Variants in DOCK9 observed in about 807,000 individuals in gnomAD.
DOCK9 encodes the protein dedicator of cytokinesis protein 9.
Under a neutral mutation model 263.3 loss-of-function variants are expected in DOCK9, and 89 were observed. The observed-to-expected ratio is 0.34, with a 90% confidence interval of 0.28 to 0.40. The LOEUF is 0.40. Ranked by LOEUF, DOCK9 falls within the 10% of genes least tolerant of loss-of-function variation. DOCK9 has a pLI of 1.00. For missense variants in DOCK9, 2,140 were observed against 2,603.4 expected (o/e 0.82, Z 3.87); for synonymous variants, 976 against 973.1 (o/e 1.00, Z -0.06).
intron 27 of DOCK9, among the ~76,000 whole-genome samples, chr13:98,877,780 G>A (rs1194234864): frequency 2.0e-5 from 3 of 152,162 alleles, no homozygotes; most frequent in Non-Finnish European, 4.4e-5. Flanking sequence ...GTGATGCATT[G>A]AACTTTGTAA....
chr13:98,891,684 A>ATTC (rs2046638513), intron 15 of DOCK9, among the ~76,000 whole-genome samples: 1 of 152,070 alleles, frequency 6.6e-6, no homozygotes, highest in Non-Finnish European at 1.5e-5. Flanking sequence ...GTTATTTCTT[A>ATTC]TTCTATTTCC....
At chr13:99,021,495 C>T (rs556131139) in intron 1 of DOCK9, among the ~76,000 whole-genome samples, 13 of 151,954 alleles carry the variant, frequency 8.6e-5, no homozygotes, top group Non-Finnish European at 1.6e-4. Flanking sequence ...AAAAATTAGC[C>T]GGGCGTGGTG....
At chr13:98,824,238 T>A (rs148249433) in intron 45 of DOCK9, among the ~76,000 whole-genome samples, 160 bp downstream of exon 45, 1 of 152,362 alleles carries the variant, frequency 6.6e-6, no homozygotes, top group African/African-American at 2.4e-5. Flanking sequence ...AAGCTTTTGC[T>A]GCTCTGCATC....
At chr13:99,028,359 C>T (rs767659) in intron 1 of DOCK9, among the ~76,000 whole-genome samples, 75,068 of 151,788 alleles carry the variant, frequency 0.49, 18,848 homozygotes, top group East Asian at 0.65. Context: ...TCTCCAACAG[C>T]AAAAGTTAAT....
intron 2 of DOCK9, among the ~76,000 whole-genome samples, chr13:98,931,717 C>A (rs1258407724): frequency 6.6e-6 from 1 of 152,178 alleles, no homozygotes; most frequent in Non-Finnish European, 1.5e-5. Context: ...CATGCTTCAG[C>A]CTCCTGAGTA....
intron 9 of DOCK9, among the ~76,000 whole-genome samples, chr13:98,908,254 G>A (rs111857619): frequency 8.5e-5 from 13 of 152,254 alleles, no homozygotes; most frequent in African/African-American, 1.9e-4. Flanking sequence ...TTTTACACTC[G>A]TCTGGTGAAG....
intron 1 of DOCK9, chr13:99,086,210 G>A: frequency 6.7e-7 from 1 of 1,489,668 alleles, no homozygotes; most frequent in Non-Finnish European, 8.9e-7. Flanking sequence ...GCCCGCGGTC[G>A]TCCCGCACTC....
chr13:98,835,636 G>C (rs113731685), intron 39 of DOCK9, among the ~76,000 whole-genome samples: 2 of 151,676 alleles, frequency 1.3e-5, no homozygotes, highest in African/African-American at 4.8e-5. Context: ...TGTCAACCTG[G>C]AATTCACATC....
intron 27 of DOCK9, among the ~76,000 whole-genome samples, chr13:98,877,845 G>C (rs1218523355): frequency 6.6e-6 from 1 of 152,110 alleles, no homozygotes; most frequent in East Asian, 1.9e-4. Context: ...GAATGAATTG[G>C]TTATATTTTG....
intron 15 of DOCK9, among the ~76,000 whole-genome samples, chr13:98,893,085 G>C (rs2046873611): frequency 6.6e-6 from 1 of 152,118 alleles, no homozygotes; most frequent in African/African-American, 2.4e-5. Context: ...GGCAGGAAGG[G>C]GACACAATTT....
At chr13:98,903,221 T>A (rs1020711938) in intron 10 of DOCK9, 109 bp from the exon 11 acceptor site, 2 of 850,142 alleles carry the variant, frequency 2.4e-6, no homozygotes, top group African/African-American at 3.5e-5. Context: ...TATATACACT[T>A]ATTTACTCAC....
intron 44 of DOCK9, chr13:98,826,086 G>C (rs2092523484): frequency 1.9e-6 from 1 of 520,418 alleles, no homozygotes. Flanking sequence ...GAAATATACA[G>C]TCTGTGGCCT....
At position 98,883,071 on chromosome 13, in the gene DOCK9, A is replaced by C. The variant is rs748114821; in HGVS notation, c.2530T>G (p.Leu844Val). 37 of 1,613,910 alleles carry C rather than the reference A, an allele frequency of 2.3e-5. No individual in the cohort carries two copies. Among genetic ancestry groups the C allele is most frequent in the Non-Finnish European group, 3.1e-5 (37 of 1,179,860 alleles). ...CQKTESGAQA[L>V]GNELVKYLKS... Reference sequence around the variant, plus strand: ...AGGTACTTTACAAGTTCGTTTCCTAAGGCTTGGGCTCCAGATTCGGTTTTC... The same window carrying C: ...AGGTACTTTACAAGTTCGTTTCCTACGGCTTGGGCTCCAGATTCGGTTTTC... The change falls in exon 23 of 53, where the codon TTA becomes GTA. Residue 844 changes from leucine to valine, a missense_variant. Leu to Val is a conservative substitution (Grantham distance 32). Around this residue, in one of 2 missense-constraint regions of DOCK9, gnomAD observed 1,521 missense variants for 1,741.7 expected, o/e 0.87. Coordinates refer to ENST00000682017, the MANE Select transcript of DOCK9 (RefSeq NM_001366683.2).
At chr13:98,802,336 T>C (rs1159835600) in intron 49 of DOCK9, among the ~76,000 whole-genome samples, 3 of 152,224 alleles carry the variant, frequency 2.0e-5, no homozygotes, top group Admixed American at 6.5e-5. Context: ...ATACATTTTG[T>C]TGAATGAATG....
intron 1 of DOCK9, among the ~76,000 whole-genome samples, chr13:99,063,979 T>C (rs1566376612): frequency 2.0e-5 from 3 of 152,226 alleles, no homozygotes; most frequent in Admixed American, 6.5e-5. Flanking sequence ...CCTCACCTCC[T>C]ACTATGCTTC....
At chr13:99,087,647 G>C (rs973403086), upstream of DOCK9, among the ~76,000 whole-genome samples, 7 of 152,182 alleles carry the variant, frequency 4.6e-5, no homozygotes, top group African/African-American at 1.7e-4. Context: ...AGGAAGCCCG[G>C]CGCAGCCTAA....
intron 39 of DOCK9, among the ~76,000 whole-genome samples, chr13:98,836,922 A>G (rs2093022699): frequency 6.6e-6 from 1 of 152,158 alleles, no homozygotes; most frequent in Admixed American, 6.5e-5. Flanking sequence ...TTTAGCAAGA[A>G]TGAGAAGTAT....
At chr13:99,085,980 AGGGGACAGCGAT>A (rs2042322660) in intron 1 of DOCK9, among the ~76,000 whole-genome samples, 1 of 152,080 alleles carries the variant, frequency 6.6e-6, no homozygotes. Flanking sequence ...CCCAGGAGGA[AGGGGACAGCGAT>A]GGGGACAGGA....
At position 98,868,527 on chromosome 13, in the gene DOCK9, G is replaced by A. The variant is rs2094105666; in HGVS notation, c.2944-150C>T. 3.4e-6 allele frequency: 3 copies of A among 871,368 alleles called. No homozygotes were observed. The East Asian group carries it at 8.0e-5, about 23-fold the overall frequency. 54.0% of individuals were successfully genotyped at this position (871,368 alleles called of 1,614,324 possible). A position where few individuals can be genotyped will look rare whatever the true frequency, so the allele number is the denominator to read the frequency against. ...ACTTGTAACCCCAGCACTTTGGGAA[G>A]CCAAGTTGGGAGGATCACTTGAGCC... On this transcript the variant is annotated intron_variant, in intron 27 of 52. Transcript: ENST00000682017.
Sources: allele counts gnomAD v4.1 joint callset (sites outside exome capture counted in the v4.1 genomes callset), GRCh38; gene constraint gnomAD v4.1.1; regional missense constraint gnomAD v4.1.1; transcripts MANE v1.5; gene names NCBI Gene and HGNC (gene_info 2026-07-23, HGNC 2026-07-21).